The following TLL1 variants were observed in gnomAD, a reference collection of about 807,000 sequenced individuals.
The protein encoded by TLL1 is tolloid like 1.
TLL1 carries 49 observed loss-of-function variants against 128.2 expected under a neutral mutation model. That is an observed-to-expected ratio of 0.38 (90% CI 0.30 to 0.48). The LOEUF is 0.48. TLL1 is among the 20% of genes least tolerant of loss of function. The probability of loss-of-function intolerance (pLI) is 0.96; values close to 1 mark genes in which losing one functional copy is unlikely to be tolerated. For synonymous variants in TLL1, 454 were observed against 418.8 expected (o/e 1.08, Z -1.03); for missense variants, 1,123 against 1,242.0 (o/e 0.90, Z 1.44).
At chr4:166,097,995 C>T (rs557766400) in intron 19 of TLL1, among the ~76,000 whole-genome samples, 4 of 152,026 alleles carry the variant, frequency 2.6e-5, no homozygotes, top group Non-Finnish European at 4.4e-5. Flanking sequence ...GTTGGTGGGG[C>T]ATTGTAGGCT....
intron 1 of TLL1, among the ~76,000 whole-genome samples, chr4:165,893,496 G>A (rs1731511236): frequency 6.6e-6 from 1 of 152,154 alleles, no homozygotes; most frequent in African/African-American, 2.4e-5. Context: ...AGAATTTCCA[G>A]GGTGAAGTGT....
intron 1 of TLL1, among the ~76,000 whole-genome samples, chr4:165,941,013 G>A (rs1733981861): frequency 6.6e-6 from 1 of 151,836 alleles, no homozygotes; most frequent in Non-Finnish European, 1.5e-5. Context: ...ACATAATTCT[G>A]TTATATCAGA....
chr4:166,065,943 C>A, intron 16 of TLL1, 80 bp downstream of exon 16: 1 of 975,908 alleles, frequency 1.0e-6, no homozygotes, highest in South Asian at 1.8e-5. Context: ...ATCTATTTTT[C>A]ATAGTTTTCT....
chr4:165,950,198 G>A (rs1166498261), intron 1 of TLL1, among the ~76,000 whole-genome samples: 1 of 152,042 alleles, frequency 6.6e-6, no homozygotes, highest in Non-Finnish European at 1.5e-5. Flanking sequence ...TGTAAAAAGT[G>A]TCAACTTAGC....
intron 12 of TLL1, among the ~76,000 whole-genome samples, chr4:166,052,965 G>GTGTATGTATATATATATATATATATATA: frequency 6.0e-5 from 6 of 99,648 alleles, no homozygotes; most frequent in Non-Finnish European, 8.6e-5. Flanking sequence ...GAGGTTATGT[G>GTGTATGTATATATATATATATATATATA]TATATATATA....
At chr4:166,059,771 C>T (rs1468523342) in intron 14 of TLL1, among the ~76,000 whole-genome samples, 1 of 151,990 alleles carries the variant, frequency 6.6e-6, no homozygotes, top group Admixed American at 6.6e-5. Context: ...GCTCCCCCTA[C>T]TTTAAAGTTA....
In TLL1 at chr4:166,057,392, T is replaced by G. The variant is rs1579685516; in HGVS notation, c.1846+83T>G. On this transcript the variant is annotated intron_variant, in intron 14 of 20. Coordinates refer to ENST00000061240, the MANE Select transcript of TLL1 (RefSeq NM_012464.5). ...CTCATTCTCTGTCTGTCTTCCTCTT[T>G]CTTTCCCTTTTTCCTATAGTGACCT... is the stretch of plus-strand genomic sequence containing the variant. 6 of 1,564,150 alleles carry G rather than the reference T, an allele frequency of 3.8e-6. No individual in the cohort carries two copies. In the East Asian group the frequency reaches 1.2e-4, roughly 31 times the overall value.
In TLL1 at chr4:166,082,318, A is replaced by G. The variant is rs550684366; in HGVS notation, c.2442+4288A>G. On this transcript the variant is annotated intron_variant, in intron 18 of 20. Transcript: ENST00000061240. Reference sequence around the variant, plus strand: ...CAATATCATCCTAAGAGCCAGGGTTAGTAGAAAGTGTGTCACAAAGGATTA... The same window carrying G: ...CAATATCATCCTAAGAGCCAGGGTTGGTAGAAAGTGTGTCACAAAGGATTA... 3.3e-5 allele frequency among the ~76,000 whole-genome samples: 5 copies of G among 152,288 alleles called. No individual in the cohort carries two copies. The East Asian group carries it at 9.7e-4, about 29-fold the overall frequency.
intron 1 of TLL1, among the ~76,000 whole-genome samples, chr4:165,917,394 G>T (rs1732832195): frequency 6.6e-6 from 1 of 152,090 alleles, no homozygotes; most frequent in African/African-American, 2.4e-5. Context: ...AGAACATGGG[G>T]AAGTTACTAA....
At chr4:165,975,999 C>T (rs1273499386) in intron 1 of TLL1, among the ~76,000 whole-genome samples, 1 of 129,314 alleles carries the variant, frequency 7.7e-6, no homozygotes, top group East Asian at 2.3e-4. Flanking sequence ...GAACATACTA[C>T]TGCACAGCCT....
intron 6 of TLL1, among the ~76,000 whole-genome samples, chr4:166,007,394 T>G (rs1176512840): frequency 6.6e-6 from 1 of 151,742 alleles, no homozygotes; most frequent in Admixed American, 6.6e-5. Context: ...TGTTTCATTT[T>G]TAAATGAAAG....
chr4:166,014,496 T>G lies in TLL1; in HGVS notation c.978T>G (p.Ile326Met), dbSNP rs1737845597. ...SRDDNGIRPA[I>M]GQRTRLSKGD... ...ATGATAATGGCATACGTCCTGCAAT[T>G]GGTCAGCGAACCCGTCTAAGCAAAG... Residue 326 changes from isoleucine to methionine, a missense_variant, in exon 8 of 21, where the codon ATT becomes ATG. Physicochemically the swap from Ile to Met is conservative, Grantham distance 10. Coordinates refer to ENST00000061240, the MANE Select transcript of TLL1 (RefSeq NM_012464.5). 1 of 1,612,544 alleles carries G rather than the reference T, an allele frequency of 6.2e-7. No homozygotes were observed. Among genetic ancestry groups the G allele is most frequent in the African/African-American group, 1.3e-5 (1 of 74,904 alleles).
chr4:165,893,105 G>C (rs1281895377), intron 1 of TLL1, among the ~76,000 whole-genome samples: 1 of 152,150 alleles, frequency 6.6e-6, no homozygotes, highest in Non-Finnish European at 1.5e-5. Flanking sequence ...GTAAGGATTT[G>C]TAATTGAGTG....
chr4:165,921,472 TCTC>T (rs1733039765), intron 1 of TLL1, among the ~76,000 whole-genome samples: 1 of 152,166 alleles, frequency 6.6e-6, no homozygotes, highest in African/African-American at 2.4e-5. Flanking sequence ...TTCTTTAACT[TCTC>T]CTCCTTCCTT....
At chr4:166,075,790 C>G (rs906643392) in intron 17 of TLL1, among the ~76,000 whole-genome samples, 3 of 152,154 alleles carry the variant, frequency 2.0e-5, no homozygotes, top group Non-Finnish European at 4.4e-5. Flanking sequence ...GTACCTGACT[C>G]TAACCACAGT....
intron 2 of TLL1, among the ~76,000 whole-genome samples, chr4:165,991,063 AC>A (rs1234528860): frequency 7.2e-5 from 11 of 152,088 alleles, no homozygotes; most frequent in Admixed American, 2.6e-4. Context: ...TGCATTTCCA[AC>A]TTTTATTAAA....
chr4:166,057,368 T>A lies in TLL1; in HGVS notation c.1846+59T>A, dbSNP rs1740070643. ...CCACAATTATTTATTTCTTATATTC[T>A]CATTCTCTGTCTGTCTTCCTCTTTC... is the stretch of plus-strand genomic sequence containing the variant. On this transcript the variant is annotated intron_variant, in intron 14 of 20. Coordinates refer to ENST00000061240, the MANE Select transcript of TLL1 (RefSeq NM_012464.5). 8 of 1,591,354 alleles carry A rather than the reference T, an allele frequency of 5.0e-6. No homozygotes were observed. In the South Asian group the frequency reaches 7.8e-5, roughly 16 times the overall value.
intron 1 of TLL1, among the ~76,000 whole-genome samples, chr4:165,950,602 G>A (rs929828018): frequency 1.6e-4 from 25 of 151,952 alleles, no homozygotes; most frequent in African/African-American, 5.8e-4. Context: ...ACAACAGAAG[G>A]ATATGTTAAA....
intron 1 of TLL1, among the ~76,000 whole-genome samples, chr4:165,883,323 G>C (rs1446555538): frequency 6.6e-6 from 1 of 151,872 alleles, no homozygotes; most frequent in Non-Finnish European, 1.5e-5. Flanking sequence ...TTTTTATGTG[G>C]GTACTTTTTT....
Sources: allele counts gnomAD v4.1 joint callset (sites outside exome capture counted in the v4.1 genomes callset), GRCh38; gene constraint gnomAD v4.1.1; transcripts MANE v1.5; gene names NCBI Gene and HGNC (gene_info 2026-07-23, HGNC 2026-07-21).